Variants in NCS1 observed in about 807,000 individuals in gnomAD.
NCS1 encodes the protein frequenin homolog.
A neutral mutation model predicts 28.4 loss-of-function variants in NCS1; 6 were observed. The ratio of observed to expected loss-of-function variants is 0.21; its 90% CI spans 0.12 to 0.42. The LOEUF is 0.42. NCS1 is among the 10% of genes least tolerant of loss of function. The pLI is 1.00. For missense variants in NCS1, 131 were observed against 241.4 expected (o/e 0.54, Z 3.03); for synonymous variants, 86 against 99.3 (o/e 0.87, Z 0.79).
intron 1 of NCS1, among the ~76,000 whole-genome samples, chr9:130,173,207 G>GC (rs1215203251): frequency 2.6e-5 from 4 of 151,850 alleles, no homozygotes; most frequent in Non-Finnish European, 5.9e-5. Context: ...TGTGGGGGGG[G>GC]GGGTGGCGAG....
At position 130,192,468 on chromosome 9, in the gene NCS1, G is replaced by A. The variant is rs1832827594; in HGVS notation, c.65-8490G>A. ...GGGGCCTGTCGTTGTGGGAAATGAG[G>A]CGCTCCAGACCCTCATTTACTTGTT... On this transcript the variant is annotated intron_variant, in intron 1 of 7. Coordinates refer to ENST00000372398, the MANE Select transcript of NCS1 (RefSeq NM_014286.4). This position sits in a 1 kb window ranked among gnomAD's most constrained non-coding sequence, Gnocchi z 4.8. 6.6e-6 allele frequency among the ~76,000 whole-genome samples: 1 copy of A among 152,028 alleles called. No individual in the cohort carries two copies. The highest frequency in any genetic ancestry group is 2.1e-4 in the South Asian group (1 of 4,800).
intron 1 of NCS1, among the ~76,000 whole-genome samples, chr9:130,200,274 C>T (rs782560412): frequency 3.3e-5 from 5 of 152,218 alleles, no homozygotes; most frequent in African/African-American, 4.8e-5. Context: ...CAACTTGAAA[C>T]GATTCTGTAC....
chr9:130,185,099 G>A (rs1554905495), intron 1 of NCS1, among the ~76,000 whole-genome samples: 2 of 152,160 alleles, frequency 1.3e-5, no homozygotes, highest in South Asian at 2.1e-4. Context: ...ACCCATCCTC[G>A]TCCACACTCG....
chr9:130,223,910 G>A (rs909837747), intron 6 of NCS1, among the ~76,000 whole-genome samples: 10 of 151,828 alleles, frequency 6.6e-5, no homozygotes, highest in Middle Eastern at 3.4e-3. Flanking sequence ...TGGCGGGCGC[G>A]ATCTCGGCTC....
At chr9:130,174,711 T>C (rs2131110751) in intron 1 of NCS1, among the ~76,000 whole-genome samples, 1 of 144,452 alleles carries the variant, frequency 6.9e-6, no homozygotes, top group Non-Finnish European at 1.5e-5. Flanking sequence ...CTCGGGAGGC[T>C]GAGGCAGGAG....
At position 130,191,565 on chromosome 9, in the gene NCS1, G is replaced by GGTCA. The variant is rs782022724; in HGVS notation, c.65-9392_65-9391insTCAG. Among the ~76,000 whole-genome samples the GGTCA allele has an allele frequency of 1.3e-5, 2 of 152,214 alleles. No homozygotes were observed. The highest frequency in any genetic ancestry group is 2.9e-5 in the Non-Finnish European group (2 of 68,034). ...GTGGTCAGAGCCTGGTCAGCTGGAT[G>GGTCA]GCCGTGGGCATGGGGCTCCCCTGAT... On this transcript the variant is annotated intron_variant, in intron 1 of 7. Transcript: ENST00000372398. This position sits in a 1 kb window ranked among gnomAD's most constrained non-coding sequence, Gnocchi z 6.4.
At chr9:130,224,751 G>C (rs1833388543) in intron 6 of NCS1, among the ~76,000 whole-genome samples, 1 of 152,002 alleles carries the variant, frequency 6.6e-6, no homozygotes. Context: ...ATGTATCCTT[G>C]AGCCTAAAAT....
At chr9:130,178,624 G>T (rs531320027) in intron 1 of NCS1, among the ~76,000 whole-genome samples, 10 of 152,274 alleles carry the variant, frequency 6.6e-5, no homozygotes, top group African/African-American at 2.2e-4. Context: ...TTCGAGATCC[G>T]TAGGGAGCCG....
chr9:130,208,111 T>C (rs1360288429), intron 2 of NCS1, among the ~76,000 whole-genome samples: 2 of 150,322 alleles, frequency 1.3e-5, no homozygotes. Flanking sequence ...TTATCCTGAG[T>C]GGAGACAGCA....
At chr9:130,230,076 C>T (rs991340123) in intron 7 of NCS1, among the ~76,000 whole-genome samples, 33 of 152,324 alleles carry the variant, frequency 2.2e-4, no homozygotes, top group Non-Finnish European at 4.0e-4. Context: ...ATGGGCCAGG[C>T]GCACTGGCTC....
chr9:130,187,675 G>A (rs1554905788), intron 1 of NCS1, among the ~76,000 whole-genome samples: 1 of 152,234 alleles, frequency 6.6e-6, no homozygotes, highest in East Asian at 1.9e-4. Flanking sequence ...CCGTTGCCCA[G>A]TCTCTGCGTC....
chr9:130,224,478 A>G (rs1833385109), intron 6 of NCS1, among the ~76,000 whole-genome samples: 1 of 151,154 alleles, frequency 6.6e-6, no homozygotes, highest in Non-Finnish European at 1.5e-5. Context: ...GAATTGCTTG[A>G]ACCTGGGAGG....
In NCS1 at chr9:130,180,713, G is replaced by A. The variant is rs538577892; in HGVS notation, c.64+7986G>A. Among the ~76,000 whole-genome samples, 4 of 152,304 alleles carry A rather than the reference G, an allele frequency of 2.6e-5. No individual in the cohort carries two copies. The highest frequency in any genetic ancestry group is 2.1e-4 in the South Asian group (1 of 4,828). ...GGGATGTTTGCACAGGGATCTGCAC[G>A]TAGTAGGTGCTCAGTAAATGCTCTC... On this transcript the variant is annotated intron_variant, in intron 1 of 7. Transcript: ENST00000372398. The surrounding 1 kb of genome is among the most constrained non-coding windows in gnomAD (Gnocchi z 4.5).
At chr9:130,216,497 C>T (rs577315110) in intron 2 of NCS1, among the ~76,000 whole-genome samples, 1 of 152,320 alleles carries the variant, frequency 6.6e-6, no homozygotes, top group East Asian at 1.9e-4. Flanking sequence ...GGGCAGATCT[C>T]CTGAGGTCAG....
At position 130,172,909 on chromosome 9, in the gene NCS1, G is replaced by T. The variant is rs1273801252; in HGVS notation, c.64+182G>T. On this transcript the variant is annotated intron_variant, in intron 1 of 7. Transcript: ENST00000372398. Reference sequence around the variant, plus strand: ...GGGCCGCGCCCCTGCCCCCCGCCCGGCCCCATTGTTCTGGCACCCCCAGCC... The same window carrying T: ...GGGCCGCGCCCCTGCCCCCCGCCCGTCCCCATTGTTCTGGCACCCCCAGCC... Among the ~76,000 whole-genome samples the T allele has an allele frequency of 4.0e-5, 6 of 151,520 alleles. No individual in the cohort carries two copies. In the East Asian group the frequency reaches 9.8e-4, roughly 25 times the overall value.
intron 3 of NCS1, among the ~76,000 whole-genome samples, chr9:130,218,929 G>A (rs1248607630): frequency 6.6e-6 from 1 of 152,150 alleles, no homozygotes; most frequent in East Asian, 1.9e-4. Flanking sequence ...ACAAGCACCT[G>A]GGAGCTGGGT....
chr9:130,221,403 T>G (rs1311468045), intron 4 of NCS1, among the ~76,000 whole-genome samples: 3,051 of 41,388 alleles, frequency 0.074, 43 homozygotes, highest in Non-Finnish European at 0.1. Context: ...TATATATATA[T>G]ATATATATAT....
chr9:130,225,834 C>T (rs1219663290), intron 6 of NCS1, among the ~76,000 whole-genome samples: 4 of 152,140 alleles, frequency 2.6e-5, no homozygotes, highest in South Asian at 2.1e-4. Context: ...CCTTGTGGTC[C>T]GCCGGCTTCC....
At chr9:130,194,410 G>A (rs904379488) in intron 1 of NCS1, among the ~76,000 whole-genome samples, 7 of 116,222 alleles carry the variant, frequency 6.0e-5, no homozygotes, top group South Asian at 2.4e-4. Context: ...GCGTGGGGGT[G>A]CGGCGAAGGC....
Sources: allele counts gnomAD v4.1 joint callset (sites outside exome capture counted in the v4.1 genomes callset), GRCh38; gene constraint gnomAD v4.1.1; non-coding constraint Gnocchi (gnomAD v3.1); transcripts MANE v1.5; gene names NCBI Gene and HGNC (gene_info 2026-07-23, HGNC 2026-07-21).